SLC25A21: variants seen among roughly 807,000 people sequenced by gnomAD.
The protein encoded by SLC25A21 is mitochondrial 2-oxodicarboxylate carrier.
A neutral mutation model predicts 43.8 loss-of-function variants in SLC25A21; 47 were observed. The ratio of observed to expected loss-of-function variants is 1.07; its 90% CI spans 0.85 to 1.37. The LOEUF is 1.37. SLC25A21 is among the 40% of genes most tolerant of loss of function. The pLI is 0.00. For missense variants in SLC25A21, 352 were observed against 350.2 expected (o/e 1.00, Z -0.04); for synonymous variants, 131 against 121.3 (o/e 1.08, Z -0.52).
At position 37,121,985 on chromosome 14, in the gene SLC25A21, GTCTC is replaced by G. The variant is rs1566896611; in HGVS notation, c.70+50292_70+50295del. Among the ~76,000 whole-genome samples, 3 of 151,900 alleles carry G rather than the reference GTCTC, an allele frequency of 2.0e-5. No homozygotes were observed. The South Asian group carries it at 6.2e-4, about 32-fold the overall frequency. On this transcript the variant is annotated intron_variant, in intron 1 of 9. Coordinates refer to ENST00000331299, the MANE Select transcript of SLC25A21 (RefSeq NM_030631.4). ...AATAAACCCATCTCCCCTGATGATA[GTCTC>G]TCTCTATCCTTTTATCAGTTTTATA... is the stretch of plus-strand genomic sequence containing the variant.
intron 4 of SLC25A21, among the ~76,000 whole-genome samples, chr14:36,732,774 C>G (rs1594533723): frequency 6.6e-6 from 1 of 152,022 alleles, no homozygotes; most frequent in South Asian, 2.1e-4. Flanking sequence ...AGATAAATAT[C>G]TATAAAATGA....
chr14:37,127,525 T>A (rs1469487553), intron 1 of SLC25A21, among the ~76,000 whole-genome samples: 2 of 152,250 alleles, frequency 1.3e-5, no homozygotes, highest in African/African-American at 4.8e-5. Flanking sequence ...CTTTTTTTTC[T>A]TTAGTCAATG....
chr14:36,888,641 T>C (rs149398710), intron 1 of SLC25A21, among the ~76,000 whole-genome samples: 1 of 152,270 alleles, frequency 6.6e-6, no homozygotes. Context: ...CTACGGTGTA[T>C]CTTACAAGAA....
chr14:36,806,163 A>T (rs571559968), intron 3 of SLC25A21, among the ~76,000 whole-genome samples: 1 of 151,714 alleles, frequency 6.6e-6, no homozygotes, highest in South Asian at 2.1e-4. Flanking sequence ...GGTTGCAGTG[A>T]GCTGAGATTG....
intron 2 of SLC25A21, among the ~76,000 whole-genome samples, chr14:36,850,811 C>A (rs1889704717): frequency 6.6e-6 from 1 of 152,154 alleles, no homozygotes; most frequent in African/African-American, 2.4e-5. Flanking sequence ...ATTTAAGAAG[C>A]AATATTTTGG....
At chr14:37,087,011 C>T (rs1405459551) in intron 1 of SLC25A21, among the ~76,000 whole-genome samples, 1 of 152,074 alleles carries the variant, frequency 6.6e-6, no homozygotes, top group Non-Finnish European at 1.5e-5. Flanking sequence ...CTAATAGATG[C>T]AAGATTGTTT....
At chr14:37,037,532 T>C (rs1170447408) in intron 1 of SLC25A21, among the ~76,000 whole-genome samples, 2 of 152,106 alleles carry the variant, frequency 1.3e-5, no homozygotes, top group African/African-American at 4.8e-5. Flanking sequence ...CCTCCTGTTT[T>C]CTCTCTCTCT....
In SLC25A21 at chr14:36,835,217, C is replaced by T. The variant is rs568436344; in HGVS notation, c.120-21216G>A. Among the ~76,000 whole-genome samples, 3 of 152,298 alleles carry T rather than the reference C, an allele frequency of 2.0e-5. No individual in the cohort carries two copies. The South Asian group carries it at 6.2e-4, about 32-fold the overall frequency. On this transcript the variant is annotated intron_variant, in intron 2 of 9. Transcript: ENST00000331299. ...AGGCTAACCATTGCCTGAGGCTGCA[C>T]AGATAATGAACCTGCCAAGGGATTA...
In SLC25A21 at chr14:37,011,835, C is replaced by T. The variant is rs145059846; in HGVS notation, c.71-136831G>A. On this transcript the variant is annotated intron_variant, in intron 1 of 9. Transcript: ENST00000331299. ...AATTTTTACATTGGCTAGAGCATTCCGAGCACAGGTTTACAAATCATTTGT... is the reference window on the plus strand; with the variant it reads ...AATTTTTACATTGGCTAGAGCATTCTGAGCACAGGTTTACAAATCATTTGT... Among the ~76,000 whole-genome samples, 271 of 152,124 alleles carry T rather than the reference C, an allele frequency of 1.8e-3. 1 individual carries two copies. The highest frequency in any genetic ancestry group is 5.9e-3 in the African/African-American group (243 of 41,500).
chr14:36,775,568 T>C lies in SLC25A21; in HGVS notation c.203+38350A>G, dbSNP rs529445688. On this transcript the variant is annotated intron_variant, in intron 3 of 9. Transcript: ENST00000331299. ...TCTTTCATTGCTAAAGTCCCTGGCATAGACATCAAGAGCAAGACTTCGAAT... is the reference window on the plus strand; with the variant it reads ...TCTTTCATTGCTAAAGTCCCTGGCACAGACATCAAGAGCAAGACTTCGAAT... 5.9e-5 allele frequency among the ~76,000 whole-genome samples: 9 copies of C among 152,266 alleles called. No homozygotes were observed. In the South Asian group the frequency reaches 6.2e-4, roughly 11 times the overall value.
intron 6 of SLC25A21, among the ~76,000 whole-genome samples, chr14:36,721,243 T>C (rs1369165553): frequency 1.3e-5 from 2 of 152,248 alleles, no homozygotes; most frequent in African/African-American, 2.4e-5. Flanking sequence ...CATCACTGCA[T>C]GCCAGGCCAT....
intron 1 of SLC25A21, among the ~76,000 whole-genome samples, chr14:37,108,704 A>AGTGT (rs56801840): frequency 0.011 from 1,677 of 149,316 alleles, 20 homozygotes; most frequent in African/African-American, 0.033. Context: ...AGTTTTGTTA[A>AGTGT]GTGTGTGTGT....
chr14:37,120,033 A>G (rs1963179140), intron 1 of SLC25A21, among the ~76,000 whole-genome samples: 1 of 152,206 alleles, frequency 6.6e-6, no homozygotes, highest in Non-Finnish European at 1.5e-5. Context: ...AGAAGAACAT[A>G]CTTTACATAA....
chr14:36,856,324 T>C (rs1889897054), intron 2 of SLC25A21, among the ~76,000 whole-genome samples: 1 of 152,176 alleles, frequency 6.6e-6, no homozygotes, highest in Non-Finnish European at 1.5e-5. Context: ...TCTTTCTGTA[T>C]ATTGTTTCTA....
intron 1 of SLC25A21, among the ~76,000 whole-genome samples, chr14:37,149,349 T>C (rs1963719635): frequency 6.6e-6 from 1 of 152,200 alleles, no homozygotes; most frequent in Non-Finnish European, 1.5e-5. Flanking sequence ...TATATTGCTC[T>C]GTAAAACAAA....
At chr14:36,714,467 T>C (rs886899211) in intron 6 of SLC25A21, among the ~76,000 whole-genome samples, 5 of 152,208 alleles carry the variant, frequency 3.3e-5, no homozygotes, top group African/African-American at 1.2e-4. Flanking sequence ...CAGTAAATCC[T>C]ATAAATTGGC....
At chr14:37,048,370 C>G (rs566627786) in intron 1 of SLC25A21, among the ~76,000 whole-genome samples, 1 of 152,128 alleles carries the variant, frequency 6.6e-6, no homozygotes, top group South Asian at 2.1e-4. Flanking sequence ...TTACTGTCAT[C>G]ATAAACCGGG....
intron 1 of SLC25A21, among the ~76,000 whole-genome samples, chr14:37,041,495 G>GA (rs149453038): frequency 0.1 from 15,062 of 148,744 alleles, 1,466 homozygotes; most frequent in African/African-American, 0.26. Flanking sequence ...TCTCTAAAAA[G>GA]AAAAAAAAAA....
At chr14:37,163,189 C>T (rs939464463) in intron 1 of SLC25A21, among the ~76,000 whole-genome samples, 1 of 151,650 alleles carries the variant, frequency 6.6e-6, no homozygotes, top group African/African-American at 2.4e-5. Flanking sequence ...ATACCTAATG[C>T]TAGATGACGA....
Sources: allele counts gnomAD v4.1 joint callset (sites outside exome capture counted in the v4.1 genomes callset), GRCh38; gene constraint gnomAD v4.1.1; transcripts MANE v1.5; gene names NCBI Gene and HGNC (gene_info 2026-07-23, HGNC 2026-07-21).